PTPRN2: variants seen among roughly 807,000 people sequenced by gnomAD.
PTPRN2 encodes protein tyrosine phosphatase receptor type N2.
Under a neutral mutation model 118.8 loss-of-function variants are expected in PTPRN2, and 74 were observed. The observed-to-expected ratio is 0.62, with a 90% confidence interval of 0.52 to 0.76. The LOEUF is 0.76. Ranked by LOEUF, PTPRN2 falls within the 30% of genes least tolerant of loss-of-function variation. The pLI, the probability that PTPRN2 is intolerant of heterozygous loss-of-function variation, is 0.00. For missense variants in PTPRN2, 1,481 were observed against 1,394.4 expected (o/e 1.06, Z -0.99); for synonymous variants, 641 against 608.0 (o/e 1.05, Z -0.80).
intron 1 of PTPRN2, among the ~76,000 whole-genome samples, chr7:158,523,199 G>A (rs1824343377): frequency 6.6e-6 from 1 of 152,198 alleles, no homozygotes; most frequent in African/African-American, 2.4e-5. Context: ...CAGCCAGGTT[G>A]GGGTCTGGGG....
intron 6 of PTPRN2, among the ~76,000 whole-genome samples, chr7:158,147,812 A>G (rs75013767): frequency 4.0e-5 from 3 of 75,440 alleles, no homozygotes; most frequent in Middle Eastern, 0.017. Flanking sequence ...TTCACGCCAC[A>G]CGTCTTTCCC....
At chr7:157,946,155 T>C (rs1232324288) in intron 11 of PTPRN2, among the ~76,000 whole-genome samples, 1 of 152,170 alleles carries the variant, frequency 6.6e-6, no homozygotes, top group Non-Finnish European at 1.5e-5. Flanking sequence ...GGCAGGATAA[T>C]ACGGTCTGGA....
rs1227921300 is a variant in PTPRN2, at chr7:157,779,888, C to A, written c.1789-96951G>T. ...AAGCAGGGCTGGGACGCCACTGATA[C>A]CATCGACGTACAACACGCCGCAAGC... On this transcript the variant is annotated intron_variant, in intron 12 of 22. Coordinates refer to ENST00000389418, the MANE Select transcript of PTPRN2 (RefSeq NM_002847.5). The surrounding 1 kb of genome is among the most constrained non-coding windows in gnomAD (Gnocchi z 4.7). Among the ~76,000 whole-genome samples the A allele has an allele frequency of 2.6e-5, 4 of 152,108 alleles. No homozygotes were observed. The South Asian group carries it at 8.3e-4, about 32-fold the overall frequency.
chr7:158,299,573 T>C (rs1800740094), intron 3 of PTPRN2, among the ~76,000 whole-genome samples: 1 of 152,168 alleles, frequency 6.6e-6, no homozygotes, highest in Non-Finnish European at 1.5e-5. Flanking sequence ...TGGGATTACA[T>C]GTGTGAGCCA....
intron 2 of PTPRN2, among the ~76,000 whole-genome samples, chr7:158,333,534 C>T (rs1219188232): frequency 1.7e-3 from 235 of 136,202 alleles, no homozygotes; most frequent in Non-Finnish European, 2.1e-3. Context: ...ACCTGACACT[C>T]GCAGACGTCA....
At chr7:158,227,809 A>G (rs928183013) in intron 3 of PTPRN2, among the ~76,000 whole-genome samples, 7 of 152,218 alleles carry the variant, frequency 4.6e-5, no homozygotes, top group Non-Finnish European at 8.8e-5. Context: ...AATTAAAGGG[A>G]TCAGGTGGGC....
chr7:157,982,150 C>G (rs1262714883), intron 11 of PTPRN2, among the ~76,000 whole-genome samples: 1 of 127,948 alleles, frequency 7.8e-6, no homozygotes, highest in East Asian at 2.3e-4. Flanking sequence ...CCCCATAAAC[C>G]CCGAGTCACA....
At position 158,132,457 on chromosome 7, in the gene PTPRN2, G is replaced by A. The variant is rs571813442; in HGVS notation, c.1556+1220C>T. ...ACACATACATATGCACAAACATATC[G>A]ACACAACACACACTCGTATACACAC... On this transcript the variant is annotated intron_variant, in intron 9 of 22. Coordinates refer to ENST00000389418, the MANE Select transcript of PTPRN2 (RefSeq NM_002847.5). 2.9e-3 allele frequency among the ~76,000 whole-genome samples: 236 copies of A among 81,758 alleles called. 3 individuals are homozygous for A. Among genetic ancestry groups the A allele is most frequent in the African/African-American group, 0.011 (158 of 15,000 alleles). 53.6% of individuals were successfully genotyped at this position (81,758 alleles called of 152,430 possible). A position where few individuals can be genotyped will look rare whatever the true frequency, so the allele number is the denominator to read the frequency against.
intron 3 of PTPRN2, among the ~76,000 whole-genome samples, chr7:158,314,634 C>T (rs925263855): frequency 2.0e-5 from 3 of 152,040 alleles, no homozygotes; most frequent in Non-Finnish European, 4.4e-5. Context: ...CTGGAGTGTG[C>T]ATCAGGGAGC....
chr7:157,681,492 G>A (rs1040680695), intron 13 of PTPRN2, among the ~76,000 whole-genome samples: 2 of 152,188 alleles, frequency 1.3e-5, no homozygotes, highest in Non-Finnish European at 2.9e-5. Flanking sequence ...GAAAAAGATC[G>A]TCCTGACCGG....
intron 3 of PTPRN2, among the ~76,000 whole-genome samples, chr7:158,274,299 A>G: frequency 7.4e-6 from 1 of 134,732 alleles, no homozygotes; most frequent in South Asian, 2.6e-4. Context: ...ACACAGGAGG[A>G]GACACACAAG....
At chr7:158,284,230 G>A (rs1162366327) in intron 3 of PTPRN2, among the ~76,000 whole-genome samples, 1 of 152,196 alleles carries the variant, frequency 6.6e-6, no homozygotes, top group Non-Finnish European at 1.5e-5. Flanking sequence ...CATTTAGAGA[G>A]AATCCAGACA....
At chr7:157,970,647 C>A (rs4716849) in intron 11 of PTPRN2, among the ~76,000 whole-genome samples, 17 of 149,928 alleles carry the variant, frequency 1.1e-4, no homozygotes, top group Non-Finnish European at 1.8e-4. Flanking sequence ...CCCCCCCCCC[C>A]ACAGGTTGCC....
intron 12 of PTPRN2, among the ~76,000 whole-genome samples, chr7:157,819,238 G>A (rs1403374112): frequency 6.6e-6 from 1 of 152,142 alleles, no homozygotes; most frequent in Non-Finnish European, 1.5e-5. Flanking sequence ...TTTGGCGCTG[G>A]GTCTTCCAAA....
intron 11 of PTPRN2, among the ~76,000 whole-genome samples, chr7:157,933,964 C>T (rs1228137467): frequency 6.6e-6 from 1 of 152,102 alleles, no homozygotes; most frequent in Non-Finnish European, 1.5e-5. Flanking sequence ...AGGGGTGAGT[C>T]ACTGATTTGC....
intron 3 of PTPRN2, among the ~76,000 whole-genome samples, chr7:158,278,535 G>A (rs116457428): frequency 0.01 from 1,592 of 152,254 alleles, 37 homozygotes; most frequent in African/African-American, 0.036. Context: ...ATTCTCTCTC[G>A]AAACCAACAA....
chr7:157,842,715 G>A (rs971072303), intron 12 of PTPRN2, among the ~76,000 whole-genome samples: 10 of 152,096 alleles, frequency 6.6e-5, no homozygotes, highest in East Asian at 5.8e-4. Context: ...ACAAGGGCAC[G>A]TTAAGAATCC....
chr7:157,814,272 C>T (rs1383244160), intron 12 of PTPRN2, among the ~76,000 whole-genome samples: 9 of 152,206 alleles, frequency 5.9e-5, no homozygotes, highest in Non-Finnish European at 1.0e-4. Context: ...CATCATAAAA[C>T]GGATGTGCGC....
At chr7:158,156,202 T>C (rs74677185) in intron 6 of PTPRN2, among the ~76,000 whole-genome samples, 1 of 152,254 alleles carries the variant, frequency 6.6e-6, no homozygotes, top group African/African-American at 2.4e-5. Flanking sequence ...GGCTCAGCAT[T>C]CACCCAGTCT....
Sources: allele counts gnomAD v4.1 joint callset (sites outside exome capture counted in the v4.1 genomes callset), GRCh38; gene constraint gnomAD v4.1.1; non-coding constraint Gnocchi (gnomAD v3.1); transcripts MANE v1.5; gene names NCBI Gene and HGNC (gene_info 2026-07-23, HGNC 2026-07-21).